The following ADAM23 variants were observed in gnomAD, a reference collection of about 807,000 sequenced individuals.
The protein encoded by ADAM23 is disintegrin and metalloproteinase domain-containing protein 23.
Under a neutral mutation model 120.1 loss-of-function variants are expected in ADAM23, and 33 were observed. That is an observed-to-expected ratio of 0.27 (90% CI 0.21 to 0.37). The LOEUF (loss-of-function observed/expected upper bound fraction) is 0.37. Among genes scored for constraint, ADAM23 ranks in the 10% least tolerant of loss-of-function variants. ADAM23 has a pLI of 1.00. For missense variants in ADAM23, 862 were observed against 1,058.2 expected (o/e 0.81, Z 2.57); for synonymous variants, 367 against 375.2 (o/e 0.98, Z 0.25).
chr2:206,494,334 G>A (rs1027317410), intron 3 of ADAM23, among the ~76,000 whole-genome samples: 13 of 152,190 alleles, frequency 8.5e-5, no homozygotes, highest in African/African-American at 3.1e-4. Flanking sequence ...TAAGGACTGA[G>A]CTAATACTTG....
intron 18 of ADAM23, among the ~76,000 whole-genome samples, chr2:206,575,498 G>C (rs1574543476): frequency 6.6e-6 from 1 of 152,146 alleles, no homozygotes; most frequent in African/African-American, 2.4e-5. Flanking sequence ...ATTTTTAAAA[G>C]AGTGTTTCTT....
intron 3 of ADAM23, among the ~76,000 whole-genome samples, chr2:206,496,984 G>T (rs567420835): frequency 1.2e-4 from 19 of 152,028 alleles, no homozygotes; most frequent in Admixed American, 1.2e-3. Context: ...GACCAATAAC[G>T]GGCTCTGAAA....
intron 3 of ADAM23, among the ~76,000 whole-genome samples, chr2:206,526,786 A>G (rs1466247717): frequency 6.6e-6 from 1 of 152,210 alleles, no homozygotes; most frequent in Non-Finnish European, 1.5e-5. Context: ...CATTGACCTG[A>G]TTCTTGGCTC....
At chr2:206,560,216 T>A in intron 11 of ADAM23, 98 bp downstream of exon 11, 1 of 1,275,584 alleles carries the variant, frequency 7.8e-7, no homozygotes, top group South Asian at 1.6e-5. Context: ...AAATAGTGAC[T>A]TGAACAAGAT....
At chr2:206,477,699 A>G (rs1466585583) in intron 2 of ADAM23, among the ~76,000 whole-genome samples, 1 of 151,886 alleles carries the variant, frequency 6.6e-6, no homozygotes, top group African/African-American at 2.4e-5. Flanking sequence ...GTAAAAGAAG[A>G]ACAATACTGT....
intron 3 of ADAM23, among the ~76,000 whole-genome samples, chr2:206,488,328 T>G (rs1696059672): frequency 6.6e-6 from 1 of 152,182 alleles, no homozygotes; most frequent in African/African-American, 2.4e-5. Context: ...TGTACACGAA[T>G]AGTGTTAAAA....
chr2:206,530,981 A>G (rs766125734), intron 4 of ADAM23, 33 bp downstream of exon 4: 34 of 1,591,508 alleles, frequency 2.1e-5, no homozygotes, highest in African/African-American at 1.2e-4. Context: ...GTACTCTAGT[A>G]TAAGTGTGCT....
chr2:206,523,695 C>T (rs1312862881), intron 3 of ADAM23, among the ~76,000 whole-genome samples: 1 of 151,270 alleles, frequency 6.6e-6, no homozygotes, highest in Non-Finnish European at 1.5e-5. Context: ...TCTTCTGTTA[C>T]AAAAAGAAAA....
intron 2 of ADAM23, among the ~76,000 whole-genome samples, chr2:206,467,659 T>A (rs1476040099): frequency 6.6e-6 from 1 of 152,118 alleles, no homozygotes; most frequent in African/African-American, 2.4e-5. Context: ...CATTTTGAGG[T>A]CTTCAGGATG....
At chr2:206,521,759 A>G (rs1327029711) in intron 3 of ADAM23, among the ~76,000 whole-genome samples, 1 of 152,136 alleles carries the variant, frequency 6.6e-6, no homozygotes. Context: ...TCATGCATGT[A>G]TTGTTTTTTG....
intron 24 of ADAM23, among the ~76,000 whole-genome samples, chr2:206,606,927 C>T (rs1317720510): frequency 6.6e-6 from 1 of 152,180 alleles, no homozygotes; most frequent in East Asian, 1.9e-4. Context: ...CTTTGACTCA[C>T]CCATCCCAAA....
At chr2:206,450,907 A>G (rs1443999429) in intron 2 of ADAM23, among the ~76,000 whole-genome samples, 2 of 152,220 alleles carry the variant, frequency 1.3e-5, no homozygotes, top group Admixed American at 1.3e-4. Context: ...GAAGAAGACT[A>G]ACACTTTGTC....
At chr2:206,470,182 A>G (rs921947462) in intron 2 of ADAM23, among the ~76,000 whole-genome samples, 7 of 152,128 alleles carry the variant, frequency 4.6e-5, no homozygotes, top group Non-Finnish European at 1.0e-4. Context: ...TTCATGTATG[A>G]TGTAGAAGCC....
chr2:206,571,872 C>A, intron 17 of ADAM23, 56 bp downstream of exon 17: 1 of 1,457,218 alleles, frequency 6.9e-7, no homozygotes, highest in South Asian at 1.1e-5. Flanking sequence ...CCAGATATCT[C>A]AGTGTGTACA....
chr2:206,618,262 C>T lies in ADAM23; in HGVS notation c.*635C>T, dbSNP rs1480544096. On this transcript the variant is annotated 3_prime_UTR_variant, in exon 26 of 26. Coordinates refer to ENST00000264377, the MANE Select transcript of ADAM23 (RefSeq NM_003812.4). ...GAGCCCCACTTCTTACCCCCCACCT[C>T]CCACCCTCTATAATCCCCACTCCCC... The T allele has an allele frequency of 2.0e-5, 3 of 152,094 alleles. No individual in the cohort carries two copies. Among genetic ancestry groups the T allele is most frequent in the East Asian group, 3.9e-4 (2 of 5,142 alleles). 9.4% of individuals were successfully genotyped at this position (152,094 alleles called of 1,614,324 possible). A position where few individuals can be genotyped will look rare whatever the true frequency, so the allele number is the denominator to read the frequency against.
chr2:206,508,642 G>GAGAC lies in ADAM23; in HGVS notation c.510-22242_510-22239dup, dbSNP rs1696552776. On this transcript the variant is annotated intron_variant, in intron 3 of 25. Transcript: ENST00000264377. ...CTGCACTCCAGCCTGGACTGAGACT[G>GAGAC]AGACTCTGTCTCCAAAAAAAAAAAA... Among the ~76,000 whole-genome samples, 6 of 139,218 alleles carry GAGAC rather than the reference G, an allele frequency of 4.3e-5. 2 individuals are homozygous for GAGAC. In the South Asian group the frequency reaches 1.4e-3, roughly 33 times the overall value. The allele number at this position is 139,218 out of a possible 152,430, so 91.3% of individuals were successfully genotyped here. A position where few individuals can be genotyped will look rare whatever the true frequency, so the allele number is the denominator to read the frequency against.
intron 2 of ADAM23, among the ~76,000 whole-genome samples, chr2:206,457,709 C>A (rs1695327550): frequency 1.3e-5 from 2 of 151,856 alleles, no homozygotes; most frequent in Non-Finnish European, 2.9e-5. Flanking sequence ...TTCCTTCTTT[C>A]TTGTATATGG....
At chr2:206,544,847 A>G (rs949419614) in intron 6 of ADAM23, among the ~76,000 whole-genome samples, 4 of 152,054 alleles carry the variant, frequency 2.6e-5, no homozygotes, top group African/African-American at 9.7e-5. Flanking sequence ...TTTTTTATAC[A>G]TACACAGTTC....
chr2:206,470,243 A>G (rs1230912546), intron 2 of ADAM23, among the ~76,000 whole-genome samples: 1 of 152,132 alleles, frequency 6.6e-6, no homozygotes, highest in Admixed American at 6.5e-5. Flanking sequence ...CAGATACATA[A>G]TAGACATATT....
Sources: gnomAD v4.1 joint callset for allele counts (sites outside exome capture counted in the v4.1 genomes callset) on GRCh38, gnomAD v4.1.1 for gene constraint, MANE v1.5 for transcripts, NCBI Gene and HGNC (gene_info 2026-07-23, HGNC 2026-07-21) for gene names.